CDON: variants seen among roughly 807,000 people sequenced by gnomAD.
CDON encodes the protein cell adhesion molecule-related/down-regulated by oncogenes.
In CDON, 73 loss-of-function variants were observed where a neutral mutation model predicts 120.9. That is an observed-to-expected ratio of 0.60 (90% CI 0.50 to 0.73). The LOEUF (loss-of-function observed/expected upper bound fraction) is 0.73, where lower values mean the gene tolerates loss of function less well. Among genes scored for constraint, CDON ranks in the 30% least tolerant of loss-of-function variants. The pLI, the probability that CDON is intolerant of heterozygous loss-of-function variation, is 0.00. For synonymous variants in CDON, 566 were observed against 573.5 expected, an observed-to-expected ratio of 0.99 and a Z score of 0.19; for missense variants, 1,470 against 1,587.3, an observed-to-expected ratio of 0.93 and a Z score of 1.26.
intron 1 of CDON, among the ~76,000 whole-genome samples, chr11:126,025,162 G>A (rs1295315786): frequency 6.6e-6 from 1 of 152,004 alleles, no homozygotes; most frequent in East Asian, 1.9e-4. Context: ...CCAAGATTGT[G>A]CCACTGCATT....
At chr11:126,026,265 T>C (rs1251111042) in intron 1 of CDON, among the ~76,000 whole-genome samples, 1 of 152,154 alleles carries the variant, frequency 6.6e-6, no homozygotes, top group Non-Finnish European at 1.5e-5. Context: ...CAACAAAAAA[T>C]ACAGTAAGTG....
chr11:125,971,238 C>G (rs1194002652), intron 18 of CDON, among the ~76,000 whole-genome samples: 1 of 151,950 alleles, frequency 6.6e-6, no homozygotes, highest in Non-Finnish European at 1.5e-5. Context: ...AAAAAATTAG[C>G]TGGGTGTGGT....
intron 9 of CDON, chr11:126,005,305 AAAAAAAAAAAAAACAAACAAACAAAC>A (rs879523912): frequency 0.28 from 18,002 of 64,174 alleles, 660 homozygotes; most frequent in Admixed American, 0.35. Flanking sequence ...CTGTCTCAAA[AAAAAAAAAAAAAACAAACAAACAAAC>A]AAAAAAAAAC....
chr11:125,981,399 CACGCATGCACACATGCACAT>C, intron 16 of CDON, 70 bp from the exon 17 acceptor site: 3 of 1,460,128 alleles, frequency 2.1e-6, no homozygotes, highest in Non-Finnish European at 2.8e-6. Flanking sequence ...CATACGCACA[CACGCATGCACACATGCACAT>C]ACGCACACAC....
intron 18 of CDON, among the ~76,000 whole-genome samples, chr11:125,963,780 A>G (rs1263962854): frequency 6.6e-6 from 1 of 152,096 alleles, no homozygotes; most frequent in Admixed American, 6.5e-5. Context: ...TTCTAATACG[A>G]CTCTGATTTT....
chr11:125,971,579 T>C (rs1191362367), intron 18 of CDON, among the ~76,000 whole-genome samples: 2 of 152,138 alleles, frequency 1.3e-5, no homozygotes, highest in African/African-American at 4.8e-5. Flanking sequence ...GTATCTCTGT[T>C]CTCTAAAGCA....
intron 1 of CDON, among the ~76,000 whole-genome samples, chr11:126,025,293 C>G (rs1318914518): frequency 6.6e-6 from 1 of 151,802 alleles, no homozygotes; most frequent in East Asian, 1.9e-4. Context: ...CGATGAGAAG[C>G]AGAGTAAGAT....
At chr11:126,042,753 C>G (rs1287754262) in intron 1 of CDON, among the ~76,000 whole-genome samples, 1 of 152,204 alleles carries the variant, frequency 6.6e-6, no homozygotes, top group Non-Finnish European at 1.5e-5. Context: ...TCCAAAGTAG[C>G]TGGGATTACA....
chr11:126,015,049 G>T (rs1591387751), intron 7 of CDON, 192 bp downstream of exon 7: 1 of 625,998 alleles, frequency 1.6e-6, no homozygotes, highest in Non-Finnish European at 2.8e-6. Context: ...TTTTTTTAAT[G>T]AGCTTGATTA....
intron 1 of CDON, among the ~76,000 whole-genome samples, chr11:126,058,565 CTG>C (rs1948728569): frequency 1.3e-5 from 2 of 152,306 alleles, no homozygotes; most frequent in South Asian, 2.1e-4. Context: ...ACGGAAAAGA[CTG>C]TGCACTATTT....
intron 1 of CDON, among the ~76,000 whole-genome samples, chr11:126,033,129 T>C (rs998069396): frequency 6.6e-6 from 1 of 152,128 alleles, no homozygotes; most frequent in Admixed American, 6.5e-5. Flanking sequence ...TGACTGTAAA[T>C]AAGGAATCGA....
intron 18 of CDON, among the ~76,000 whole-genome samples, chr11:125,964,290 C>G (rs1333980967): frequency 1.3e-5 from 2 of 152,172 alleles, no homozygotes; most frequent in South Asian, 2.1e-4. Context: ...CTGAAAGAAC[C>G]CTTTATTGAG....
rs559845523 is a variant in CDON at position 126,059,217 on chromosome 11, T to C, written c.-62+3362A>G. Among the ~76,000 whole-genome samples the C allele has an allele frequency of 2.0e-5, 3 of 152,336 alleles. No individual in the cohort carries two copies. In the South Asian group the frequency reaches 6.2e-4, roughly 32 times the overall value. The stretch of plus-strand genomic sequence containing the variant: ...ATTTTACATATTTATCAAAAGATCA[T>C]TCAAAGAAAACTTACCAAGTCTGCA... On this transcript the variant is annotated intron_variant, in intron 1 of 19. Transcript: ENST00000531738.
At chr11:126,040,864 G>T (rs1479449236) in intron 1 of CDON, among the ~76,000 whole-genome samples, 1 of 128,214 alleles carries the variant, frequency 7.8e-6, no homozygotes, top group African/African-American at 2.9e-5. Flanking sequence ...AAGTCAAGGC[G>T]ACTAACCAAG....
Position 125,959,678 on chromosome 11 carries a change from C to A in CDON, c.*1264G>T, listed in dbSNP as rs1435876291. 6.6e-6 allele frequency: 1 copy of A among 152,064 alleles called. No homozygotes were observed. The highest frequency in any genetic ancestry group is 2.4e-5 in the African/African-American group (1 of 41,390). 9.4% of individuals were successfully genotyped at this position (152,064 alleles called of 1,614,324 possible). A position where few individuals can be genotyped will look rare whatever the true frequency, so the allele number is the denominator to read the frequency against. On this transcript the variant is annotated 3_prime_UTR_variant, in exon 20 of 20. Coordinates refer to ENST00000531738, the MANE Select transcript of CDON (RefSeq NM_001378964.1). ...AAAGTAAGTCTTTTCTGACACTCAC[C>A]CCTGCAGGCCGTTGCCTATGCTGGA...
rs183715505 is a variant in CDON at position 126,024,213 on chromosome 11, G to C, written c.-61-676C>G. 3.0e-3 allele frequency among the ~76,000 whole-genome samples: 464 copies of C among 152,342 alleles called. 3 individuals carry two copies. Among genetic ancestry groups the C allele is most frequent in the South Asian group, 0.014 (66 of 4,828 alleles). On this transcript the variant is annotated intron_variant, in intron 1 of 19. Coordinates refer to ENST00000531738, the MANE Select transcript of CDON (RefSeq NM_001378964.1). ...ATTCAGCTTTGAAGGCCATGGTAAA[G>C]ATCGTGGGATTTATTCTAAATGCAA...
chr11:126,061,214 G>A (rs1307253118), intron 1 of CDON, among the ~76,000 whole-genome samples: 1 of 152,182 alleles, frequency 6.6e-6, no homozygotes, highest in Admixed American at 6.5e-5. Context: ...CCCAGGGCAC[G>A]TCTTTACAAA....
At chr11:125,983,096 G>A (rs933146649) in intron 16 of CDON, among the ~76,000 whole-genome samples, 1 of 152,184 alleles carries the variant, frequency 6.6e-6, no homozygotes, top group Non-Finnish European at 1.5e-5. Context: ...AGTGCCTGCT[G>A]GGGTCCTCCC....
Position 125,961,120 on chromosome 11 carries a change from G to A in CDON, c.3632-15C>T. 1 of 1,612,518 alleles carries A rather than the reference G, an allele frequency of 6.2e-7. No individual in the cohort carries two copies. Among genetic ancestry groups the A allele is most frequent in the Non-Finnish European group, 8.5e-7 (1 of 1,178,828 alleles). ...ACAGCTGTCTCCTGAAACACAGCAG[G>A]GTTTGGGAGCATTATCAAATGATAA... is the stretch of plus-strand genomic sequence containing the variant. On this transcript the variant is annotated splice_polypyrimidine_tract_variant and intron_variant, in intron 19 of 19. Coordinates refer to ENST00000531738, the MANE Select transcript of CDON (RefSeq NM_001378964.1).
Sources: gnomAD v4.1 joint callset for allele counts (sites outside exome capture counted in the v4.1 genomes callset) on GRCh38, gnomAD v4.1.1 for gene constraint, MANE v1.5 for transcripts, NCBI Gene and HGNC (gene_info 2026-07-23, HGNC 2026-07-21) for gene names.